NAF1: variants seen among roughly 807,000 people sequenced by gnomAD.
NAF1 encodes the protein H/ACA ribonucleoprotein complex non-core subunit NAF1.
Under a neutral mutation model 40.6 loss-of-function variants are expected in NAF1, and 11 were observed. The ratio of observed to expected loss-of-function variants is 0.27; its 90% CI spans 0.17 to 0.45. The LOEUF (loss-of-function observed/expected upper bound fraction) is 0.45. Among genes scored for constraint, NAF1 ranks in the 20% least tolerant of loss-of-function variants. The pLI is 1.00. For missense variants in NAF1, 607 were observed against 611.1 expected (o/e 0.99, Z 0.07); for synonymous variants, 260 against 228.5 (o/e 1.14, Z -1.24).
chr4:163,145,834 G>A lies in NAF1; in HGVS notation c.665C>T (p.Pro222Leu). 1 of 1,579,790 alleles carries A rather than the reference G, an allele frequency of 6.3e-7. No homozygotes were observed. Among genetic ancestry groups the A allele is most frequent in the Non-Finnish European group, 8.7e-7 (1 of 1,155,294 alleles). The part of the protein sequence containing the change: ...VIIESMTNLP[P>L]VNEETVIFKS... ...AAAAATTACAGTCTCCTCATTAACT[G>A]GAGGTAGGTTAGTCATAGATTCAAT... Residue 222 changes from proline to leucine, a missense_variant, in exon 4 of 8, where the codon CCA (proline) becomes CTA (leucine). Coordinates refer to ENST00000274054, the MANE Select transcript of NAF1 (RefSeq NM_138386.3).
Position 163,115,822 on chromosome 4 carries a change from C to T in NAF1, c.115-5532G>A, listed in dbSNP as rs1410890802. ...ATTACTACTGAAAATACAAGTTGTA[C>T]CCTTTATAATGTGTACAAATGCAAC... is the stretch of plus-strand genomic sequence containing the variant. On this transcript the variant is annotated intron_variant, in intron 2 of 2. Transcript: ENST00000509434. Among the ~76,000 whole-genome samples, 6 of 152,230 alleles carry T rather than the reference C, an allele frequency of 3.9e-5. No homozygotes were observed. The East Asian group carries it at 1.2e-3, about 29-fold the overall frequency.
At chr4:163,161,631 C>A (rs935831757) in intron 2 of NAF1, among the ~76,000 whole-genome samples, 5 of 152,148 alleles carry the variant, frequency 3.3e-5, no homozygotes, top group African/African-American at 1.2e-4. Context: ...TTCCCAGCTG[C>A]TTTCGAATAA....
At chr4:163,123,653 G>T (rs994321595), downstream of NAF1, among the ~76,000 whole-genome samples, 17 of 152,126 alleles carry the variant, frequency 1.1e-4, no homozygotes, top group African/African-American at 3.6e-4. Flanking sequence ...AAAGTGTTGG[G>T]ATTACAGGCA....
At chr4:163,107,239 G>A (rs1229831865), downstream of NAF1, among the ~76,000 whole-genome samples, 1 of 152,190 alleles carries the variant, frequency 6.6e-6, no homozygotes, top group Non-Finnish European at 1.5e-5. Context: ...CGCCCGCCTT[G>A]GCCTCCCAAA....
rs151093258 is a variant in NAF1 at position 163,146,416 on chromosome 4, A to T, written c.635-552T>A. On this transcript the variant is annotated intron_variant, in intron 3 of 7. Coordinates refer to ENST00000274054, the MANE Select transcript of NAF1 (RefSeq NM_138386.3). Reference sequence around the variant, plus strand: ...TCCCTCCTCAAAAAGCAAAAACATAATCTCCAAATCTCCAGTTCTTTTAAA... The same window carrying T: ...TCCCTCCTCAAAAAGCAAAAACATATTCTCCAAATCTCCAGTTCTTTTAAA... 6.4e-3 allele frequency among the ~76,000 whole-genome samples: 982 copies of T among 152,294 alleles called. 6 individuals carry two copies. The highest frequency in any genetic ancestry group is 0.023 in the African/African-American group (950 of 41,540).
intron 2 of NAF1, among the ~76,000 whole-genome samples, chr4:163,117,063 G>GTCATACCT (rs1229406312): frequency 6.6e-6 from 1 of 151,998 alleles, no homozygotes; most frequent in Non-Finnish European, 1.5e-5. Flanking sequence ...CTTCATACCC[G>GTCATACCT]TCATACCTAT....
intron 2 of NAF1, among the ~76,000 whole-genome samples, chr4:163,154,392 T>C (rs1438076912): frequency 6.6e-6 from 1 of 152,214 alleles, no homozygotes; most frequent in Non-Finnish European, 1.5e-5. Flanking sequence ...AAATAGTATA[T>C]ACAAAATATG....
At chr4:163,160,361 AAAAC>A (rs1369966931) in intron 2 of NAF1, among the ~76,000 whole-genome samples, 2 of 152,156 alleles carry the variant, frequency 1.3e-5, no homozygotes, top group African/African-American at 4.8e-5. Flanking sequence ...AACAAAAACA[AAAAC>A]AAAAACAAAA....
Position 163,140,216 on chromosome 4 carries a change from T to C in NAF1, c.878+7A>G, listed in dbSNP as rs376575422. The stretch of plus-strand genomic sequence containing the variant: ...AGTGAAGAACAACATGCCGGTAAAG[T>C]ACTTACTGTTTTAGTTTTTCTGTGA... On this transcript the variant is annotated splice_region_variant and intron_variant, in intron 5 of 7. Transcript: ENST00000274054. 9.5e-6 allele frequency: 15 copies of C among 1,581,976 alleles called. No homozygotes were observed. The highest frequency in any genetic ancestry group is 3.8e-4 in the Middle Eastern group (2 of 5,248).
downstream of NAF1, among the ~76,000 whole-genome samples, chr4:163,106,602 T>C (rs1038943232): frequency 2.0e-5 from 3 of 152,100 alleles, no homozygotes; most frequent in Non-Finnish European, 4.4e-5. Flanking sequence ...TTTATTTCTG[T>C]ATTTTTCTCT....
chr4:163,133,121 T>C (rs762338048), intron 7 of NAF1, 33 bp downstream of exon 7: 15 of 1,509,714 alleles, frequency 9.9e-6, no homozygotes, highest in Non-Finnish European at 1.3e-5. Context: ...TAAATGAAGA[T>C]AAAGAACGAG....
chr4:163,148,555 C>G (rs375933761), intron 2 of NAF1, 121 bp from the exon 3 acceptor site: 3 of 638,422 alleles, frequency 4.7e-6, no homozygotes. Flanking sequence ...TAGAGCATCT[C>G]TTTAATGTTA....
At chr4:163,162,352 G>A (rs377567765) in intron 2 of NAF1, among the ~76,000 whole-genome samples, 3 of 152,138 alleles carry the variant, frequency 2.0e-5, no homozygotes, top group African/African-American at 4.8e-5. Context: ...GGCAGACTGG[G>A]AAACTCATCA....
downstream of NAF1, among the ~76,000 whole-genome samples, chr4:163,124,732 A>G (rs968995946): frequency 1.3e-5 from 2 of 152,240 alleles, no homozygotes; most frequent in Non-Finnish European, 2.9e-5. Context: ...AATTTAAAGC[A>G]AAGATCAAAT....
At chr4:163,106,374 GAAATTT>G (rs1478057785), downstream of NAF1, among the ~76,000 whole-genome samples, 2 of 152,124 alleles carry the variant, frequency 1.3e-5, no homozygotes, top group African/African-American at 4.8e-5. Flanking sequence ...AAAATTAAAT[GAAATTT>G]AAATTTAATA....
At chr4:163,141,473 C>T (rs1417679778) in intron 4 of NAF1, among the ~76,000 whole-genome samples, 1 of 151,976 alleles carries the variant, frequency 6.6e-6, no homozygotes, top group African/African-American at 2.4e-5. Flanking sequence ...TTGTATACTG[C>T]CCCCTTTTAA....
downstream of NAF1, chr4:163,127,236 T>C: frequency 7.6e-7 from 1 of 1,319,690 alleles, no homozygotes; most frequent in Non-Finnish European, 9.8e-7. Flanking sequence ...TTCAAATAAT[T>C]CTCCTGCCTC....
At chr4:163,141,139 C>T (rs1174339110) in intron 4 of NAF1, among the ~76,000 whole-genome samples, 9 of 151,968 alleles carry the variant, frequency 5.9e-5, no homozygotes, top group Admixed American at 2.6e-4. Context: ...GTGAGGCGGG[C>T]GGATCACCTG....
downstream of NAF1, among the ~76,000 whole-genome samples, chr4:163,123,742 T>C (rs1730577811): frequency 6.6e-6 from 1 of 152,210 alleles, no homozygotes; most frequent in South Asian, 2.1e-4. Context: ...TTAATTTCAT[T>C]CTATATTTGC....
Sources: gnomAD v4.1 joint callset for allele counts (sites outside exome capture counted in the v4.1 genomes callset) on GRCh38, gnomAD v4.1.1 for gene constraint, MANE v1.5 for transcripts, NCBI Gene and HGNC (gene_info 2026-07-23, HGNC 2026-07-21) for gene names.